Variants in ARHGEF10L observed in about 807,000 individuals in gnomAD.
The protein encoded by ARHGEF10L is rho guanine nucleotide exchange factor 10-like protein.
ARHGEF10L carries 69 observed loss-of-function variants against 141.2 expected under a neutral mutation model. The observed-to-expected ratio is 0.49, with a 90% CI of 0.40 to 0.60. The LOEUF (loss-of-function observed/expected upper bound fraction) is 0.60, where lower values mean the gene tolerates loss of function less well. Among genes scored for constraint, ARHGEF10L ranks in the 20% least tolerant of loss-of-function variants. The probability of loss-of-function intolerance (pLI) is 0.00; values close to 1 mark genes in which losing one functional copy is unlikely to be tolerated. For synonymous variants in ARHGEF10L, 711 were observed against 718.5 expected (o/e 0.99, Z 0.17); for missense variants, 1,482 against 1,734.3 (o/e 0.85, Z 2.58).
chr1:17,618,647 C>A, intron 9 of ARHGEF10L: 3 of 700,546 alleles, frequency 4.3e-6, no homozygotes, highest in Non-Finnish European at 6.4e-6. Flanking sequence ...GGAGTCAGAG[C>A]CATTCAGCAG....
rs1390560911 is a variant in ARHGEF10L, at chr1:17,687,633, A to G, written c.3070A>G (p.Ser1024Gly). 1 of 1,613,014 alleles carries G rather than the reference A, an allele frequency of 6.2e-7. No homozygotes were observed. The highest frequency in any genetic ancestry group is 1.7e-5 in the Admixed American group (1 of 60,016). Residue 1024 changes from serine (S) to glycine (G), a missense_variant, in exon 27 of 29, where the codon AGC becomes GGC. Around this residue, in one of 3 missense-constraint regions of ARHGEF10L, gnomAD observed 858 missense variants for 966.3 expected, o/e 0.89. Coordinates refer to ENST00000361221, the MANE Select transcript of ARHGEF10L (RefSeq NM_018125.4). ...VSVTHMVKAG[S>G]GVWMAFSSGT... is the part of the protein sequence containing the mutation. ...CGTGACACACATGGTGAAGGCGGGCAGCGGCGTCTGGATGGCCTTCTCCTC... is the reference window on the plus strand; with the variant it reads ...CGTGACACACATGGTGAAGGCGGGCGGCGGCGTCTGGATGGCCTTCTCCTC...
At position 17,637,928 on chromosome 1, in the gene ARHGEF10L, G is replaced by A. The variant is rs1571155666; in HGVS notation, c.1968G>A (p.Leu656=). 1.2e-6 allele frequency: 2 copies of A among 1,600,850 alleles called. No homozygotes were observed. The highest frequency in any genetic ancestry group is 2.3e-5 in the South Asian group (2 of 88,216). The change falls in exon 19 of 29, where the codon CTG becomes CTA. Residue 656 remains leucine, a synonymous_variant. Coordinates refer to ENST00000361221, the MANE Select transcript of ARHGEF10L (RefSeq NM_018125.4). ...YLGPPRLFQE[L]QDLQKDLAVV... ...GCCCCCCACGCCTCTTCCAGGAGCT[G>A]CAGGACCTGCAGAAGGACCTGGCCG...
At chr1:17,679,527 A>G (rs2063951756) in intron 26 of ARHGEF10L, among the ~76,000 whole-genome samples, 1 of 152,120 alleles carries the variant, frequency 6.6e-6, no homozygotes, top group South Asian at 2.1e-4. Context: ...TGGTCACCCT[A>G]GGTTTGAATT....
chr1:17,618,716 G>A (rs533474236), intron 9 of ARHGEF10L, among the ~76,000 whole-genome samples: 8 of 152,122 alleles, frequency 5.3e-5, no homozygotes, highest in Admixed American at 2.0e-4. Flanking sequence ...AACCCTCTCC[G>A]GAGCCTCCCT....
chr1:17,663,070 C>A (rs1040608194), intron 25 of ARHGEF10L, among the ~76,000 whole-genome samples: 3 of 152,178 alleles, frequency 2.0e-5, no homozygotes, highest in African/African-American at 7.2e-5. Flanking sequence ...GGGCAGCCAC[C>A]GGGGTTCTGT....
At chr1:17,514,022 C>T in the ARHGEF10L span, among the ~76,000 whole-genome samples, 737 of 150,926 alleles carry the variant, frequency 4.9e-3, 5 homozygotes, top group African/African-American at 0.016. Context: ...CAGGGTTTCT[C>T]CATGTTGGTC....
chr1:17,623,221 C>T lies in ARHGEF10L; in HGVS notation c.1200+46C>T, dbSNP rs1204069993. The T allele has an allele frequency of 6.3e-7, 1 of 1,593,562 alleles. No individual in the cohort carries two copies. The highest frequency in any genetic ancestry group is 2.2e-5 in the East Asian group (1 of 44,766). ...TCCCCAGCCCACCAAGGTAAAACCA[C>T]AACCAGTCTGACCCCGGGGCCATGC... On this transcript the variant is annotated intron_variant, in intron 12 of 28. Coordinates refer to ENST00000361221, the MANE Select transcript of ARHGEF10L (RefSeq NM_018125.4). The surrounding 1 kb of genome is among the most constrained non-coding windows in gnomAD (Gnocchi z 4.7).
intron 22 of ARHGEF10L, among the ~76,000 whole-genome samples, chr1:17,653,046 T>G (rs947768971): frequency 2.0e-5 from 3 of 152,164 alleles, no homozygotes; most frequent in African/African-American, 7.2e-5. Flanking sequence ...TGCTAGAATA[T>G]CCCATGAGAG....
chr1:17,532,426 G>A, the ARHGEF10L span, among the ~76,000 whole-genome samples: 2 of 152,142 alleles, frequency 1.3e-5, no homozygotes, highest in African/African-American at 4.8e-5. Flanking sequence ...TGCTCTGCCT[G>A]TTATCCCTAG....
At chr1:17,520,768 C>G in the ARHGEF10L span, among the ~76,000 whole-genome samples, 1 of 152,200 alleles carries the variant, frequency 6.6e-6, no homozygotes, top group Non-Finnish European at 1.5e-5. Context: ...GGGGACTTCC[C>G]TCACTTCCTT....
At position 17,582,014 on chromosome 1, in the gene ARHGEF10L, A is replaced by G. The variant is rs561921049; in HGVS notation, c.37+1382A>G. Reference sequence around the variant, plus strand: ...GGGTCTGTCCAGGAACATCAGAGGCATGAGTGACCAGCTCTGGCTGTGCCA... The same window carrying G: ...GGGTCTGTCCAGGAACATCAGAGGCGTGAGTGACCAGCTCTGGCTGTGCCA... On this transcript the variant is annotated intron_variant, in intron 2 of 28. Transcript: ENST00000361221. 3.9e-5 allele frequency among the ~76,000 whole-genome samples: 6 copies of G among 152,286 alleles called. No homozygotes were observed. The South Asian group carries it at 1.2e-3, about 32-fold the overall frequency.
intron 4 of ARHGEF10L, among the ~76,000 whole-genome samples, chr1:17,595,220 CTTTTT>C (rs58475060): frequency 1.9e-5 from 2 of 106,104 alleles, no homozygotes; most frequent in African/African-American, 3.7e-5. Context: ...CGTGGCTCAC[CTTTTT>C]TTTTTTTTTT....
At chr1:17,601,143 A>T (rs2080644563) in intron 4 of ARHGEF10L, among the ~76,000 whole-genome samples, 1 of 151,438 alleles carries the variant, frequency 6.6e-6, no homozygotes, top group Admixed American at 6.6e-5. Flanking sequence ...AATGTTCCCC[A>T]CTCCGATTTT....
intron 26 of ARHGEF10L, among the ~76,000 whole-genome samples, chr1:17,675,869 T>C (rs1290005087): frequency 2.0e-5 from 3 of 148,270 alleles, no homozygotes; most frequent in African/African-American, 7.6e-5. Context: ...GGTACAGGTG[T>C]GGGTGCAGGT....
At chr1:17,599,980 A>T (rs573618285) in intron 4 of ARHGEF10L, among the ~76,000 whole-genome samples, 1 of 152,364 alleles carries the variant, frequency 6.6e-6, no homozygotes, top group Admixed American at 6.5e-5. Flanking sequence ...CGGATAGGAC[A>T]GGCAGGAGCA....
chr1:17,522,144 G>A, the ARHGEF10L span, among the ~76,000 whole-genome samples: 11 of 152,120 alleles, frequency 7.2e-5, no homozygotes, highest in Non-Finnish European at 1.5e-4. Context: ...AGTGGGCGTG[G>A]CAGAGGGGTG....
rs546317136 is a variant in ARHGEF10L, at chr1:17,580,419, G to A, written c.-43-134G>A. On this transcript the variant is annotated intron_variant, in intron 1 of 28. Coordinates refer to ENST00000361221, the MANE Select transcript of ARHGEF10L (RefSeq NM_018125.4). ...AATGATTTATGAAGGCTGGAGGCTG[G>A]GGCCTTTCTGGGGCTGCCCTGTGCT... 9.0e-5 allele frequency: 62 copies of A among 691,276 alleles called. No individual in the cohort carries two copies. In the East Asian group the frequency reaches 1.4e-3, roughly 16 times the overall value. 42.8% of individuals were successfully genotyped at this position (691,276 alleles called of 1,614,324 possible).
intron 28 of ARHGEF10L, among the ~76,000 whole-genome samples, chr1:17,696,405 C>T (rs1214577071): frequency 1.3e-5 from 2 of 152,036 alleles, no homozygotes; most frequent in African/African-American, 4.8e-5. Flanking sequence ...GTCATCATAG[C>T]TCGGGTGACA....
Position 17,647,266 on chromosome 1 carries a change from T to C in ARHGEF10L, c.2273-1288T>C, listed in dbSNP as rs148571872. Among the ~76,000 whole-genome samples, 1,410 of 152,284 alleles carry C rather than the reference T, an allele frequency of 9.3e-3. 22 individuals carry two copies. Among genetic ancestry groups the C allele is most frequent in the African/African-American group, 0.028 (1,167 of 41,552 alleles). On this transcript the variant is annotated intron_variant, in intron 21 of 28. Transcript: ENST00000361221. ...AGCCATGGCTGTGGCCTGGCCACGT[T>C]ACTAAATCCCTGAGTGCCAGTGTCA...
Sources: allele counts gnomAD v4.1 joint callset (sites outside exome capture counted in the v4.1 genomes callset), GRCh38; gene constraint gnomAD v4.1.1; regional missense constraint gnomAD v4.1.1; non-coding constraint Gnocchi (gnomAD v3.1); transcripts MANE v1.5; gene names NCBI Gene and HGNC (gene_info 2026-07-23, HGNC 2026-07-21).